Variants in RAG1 observed in about 807,000 individuals in gnomAD.
The protein encoded by RAG1 is V(D)J recombination-activating protein 1.
RAG1 carries 35 observed loss-of-function variants against 62.7 expected under a neutral mutation model. That is an observed-to-expected ratio of 0.56 (90% CI 0.43 to 0.74). The LOEUF (loss-of-function observed/expected upper bound fraction) is 0.74. Among genes scored for constraint, RAG1 ranks in the 30% least tolerant of loss-of-function variants. The pLI, the probability that RAG1 is intolerant of heterozygous loss-of-function variation, is 0.00. For missense variants in RAG1, 1,169 were observed against 1,278.6 expected (o/e 0.91, Z 1.31); for synonymous variants, 461 against 470.3 (o/e 0.98, Z 0.26).
At chr11:36,543,422 C>G (rs1347469424) in intron 3 of RAG1, among the ~76,000 whole-genome samples, 1 of 152,234 alleles carries the variant, frequency 6.6e-6, no homozygotes, top group Admixed American at 6.5e-5. Flanking sequence ...GCCGGCATGC[C>G]ATAGCAGAAC....
intron 1 of RAG1, among the ~76,000 whole-genome samples, chr11:36,516,077 A>G (rs886749872): frequency 3.9e-5 from 6 of 152,156 alleles, no homozygotes; most frequent in African/African-American, 1.4e-4. Flanking sequence ...CATTGGAGCC[A>G]GTTTTGTTCT....
chr11:36,537,664 G>A (rs1487821046), downstream of RAG1, among the ~76,000 whole-genome samples: 2 of 152,046 alleles, frequency 1.3e-5, no homozygotes, highest in Non-Finnish European at 2.9e-5. Flanking sequence ...GGAGATTTCT[G>A]ATCATTATCT....
intron 2 of RAG1, among the ~76,000 whole-genome samples, chr11:36,531,649 C>T (rs1360583931): frequency 6.6e-6 from 1 of 151,874 alleles, no homozygotes; most frequent in African/African-American, 2.4e-5. Context: ...ATGCTTTCGC[C>T]ATCAAACATA....
Position 36,576,036 on chromosome 11 carries a change from A to G in RAG1, c.2732A>G (p.Gln911Arg), listed in dbSNP as rs910898450. The G allele has an allele frequency of 5.0e-6, 8 of 1,614,052 alleles. No individual in the cohort carries two copies. The East Asian group carries it at 8.9e-5, about 18-fold the overall frequency. Reference sequence around the variant, plus strand: ...AAAGAGTGCCCAGAATCCCTCTGCCAGTACAGTTTCAATTCACAGCGTTTT... The same window carrying G: ...AAAGAGTGCCCAGAATCCCTCTGCCGGTACAGTTTCAATTCACAGCGTTTT... Reference protein sequence around the residue: ...PAKECPESLCQYSFNSQRFAE... With the variant: ...PAKECPESLCRYSFNSQRFAE... Residue 911 changes from glutamine to arginine, a missense_variant, in exon 2 of 2, where the codon CAG becomes CGG. Physicochemically the swap from Gln to Arg is conservative, Grantham distance 43. Around this residue, in one of 2 missense-constraint regions of RAG1, gnomAD observed 800 missense variants for 943.3 expected, o/e 0.85. Coordinates refer to ENST00000299440, the MANE Select transcript of RAG1 (RefSeq NM_000448.3).
chr11:36,527,741 G>C (rs575224879), intron 2 of RAG1, among the ~76,000 whole-genome samples: 1 of 152,074 alleles, frequency 6.6e-6, no homozygotes, highest in African/African-American at 2.4e-5. Flanking sequence ...CCATTTGTTT[G>C]TGTCCTCTTT....
intron 1 of RAG1, among the ~76,000 whole-genome samples, chr11:36,517,535 GTGTT>G (rs1227543835): frequency 2.0e-5 from 3 of 152,158 alleles, no homozygotes; most frequent in Non-Finnish European, 4.4e-5. Context: ...GTGTGTGTGT[GTGTT>G]TGAGTGTGTT....
chr11:36,566,476 T>G (rs1850663763), upstream of RAG1: 1 of 152,278 alleles, frequency 6.6e-6, no homozygotes, highest in Non-Finnish European at 1.5e-5. Flanking sequence ...CCTTTTCTTT[T>G]TCTTCCTGTA....
rs778449888 is a variant in RAG1 at position 36,576,454 on chromosome 11, G to C, written c.*18G>C. 6.2e-7 allele frequency: 1 copy of C among 1,613,734 alleles called. No individual in the cohort carries two copies. The highest frequency in any genetic ancestry group is 8.5e-7 in the Non-Finnish European group (1 of 1,179,916). ...AATTTTAAGTAGGGCAACCACTTAT[G>C]AGTTGGTTTTTGCAATTGAGTTTCC... On this transcript the variant is annotated 3_prime_UTR_variant, in exon 2 of 2. Transcript: ENST00000299440.
At chr11:36,565,539 A>G (rs540401308), upstream of RAG1, among the ~76,000 whole-genome samples, 54 of 152,340 alleles carry the variant, frequency 3.5e-4, no homozygotes, top group East Asian at 8.7e-3. Flanking sequence ...CAAGTTGTCC[A>G]GGCTCTAGTT....
intron 3 of RAG1, among the ~76,000 whole-genome samples, chr11:36,562,268 A>C (rs540525372): frequency 4.3e-4 from 66 of 152,360 alleles, no homozygotes; most frequent in Non-Finnish European, 8.5e-4. Flanking sequence ...AAGCAAGCTG[A>C]GAAAGACTGT....
chr11:36,549,788 T>A (rs746016270), intron 3 of RAG1, among the ~76,000 whole-genome samples: 11 of 152,164 alleles, frequency 7.2e-5, no homozygotes, highest in Admixed American at 3.9e-4. Flanking sequence ...GATTTATAAA[T>A]CATGCTACTG....
At chr11:36,529,227 G>A (rs998185588) in intron 2 of RAG1, among the ~76,000 whole-genome samples, 2 of 152,074 alleles carry the variant, frequency 1.3e-5, no homozygotes, top group Admixed American at 6.5e-5. Flanking sequence ...GAAGAACATC[G>A]ATGTGAAAAT....
chr11:36,519,118 G>A (rs1860038879), intron 1 of RAG1, among the ~76,000 whole-genome samples: 1 of 151,938 alleles, frequency 6.6e-6, no homozygotes, highest in African/African-American at 2.4e-5. Flanking sequence ...TGATAATGGT[G>A]GTAATTTTTT....
At chr11:36,528,444 A>G (rs1264599589) in intron 2 of RAG1, among the ~76,000 whole-genome samples, 4 of 152,198 alleles carry the variant, frequency 2.6e-5, no homozygotes, top group South Asian at 2.1e-4. Context: ...TTTGAAACCA[A>G]TGAGAACAAA....
rs554003233 is a variant in RAG1, at chr11:36,522,381, G to A, written n.428+2152G>A. ...TGGCTTCAGAGGGCGCAAGCCCCAA[G>A]CCTTGGCAACTTCCATGTGGTGTTG... On this transcript the variant is annotated intron_variant and non_coding_transcript_variant, in intron 2 of 2. Transcript: ENST00000529126. Among the ~76,000 whole-genome samples, 370 of 152,384 alleles carry A rather than the reference G, an allele frequency of 2.4e-3. 3 individuals carry two copies. The highest frequency in any genetic ancestry group is 8.4e-3 in the African/African-American group (351 of 41,600).
chr11:36,575,027 G>T lies in RAG1; in HGVS notation c.1723G>T (p.Glu575Ter). 5 of 1,614,154 alleles carry T rather than the reference G, an allele frequency of 3.1e-6. No homozygotes were observed. The highest frequency in any genetic ancestry group is 4.2e-6 in the Non-Finnish European group (5 of 1,180,030). ...GGTGTCTGCTTTGATGGACATGGAA[G>T]AAGACATCTTGGAAGGCATGAGATC... is the stretch of plus-strand genomic sequence containing the variant. ...ALVSALMDME[E>*]DILEGMRSQD... The change falls in exon 2 of 2, where the codon GAA becomes TAA. Residue 575 changes from glutamate to a stop codon, truncating the protein, a stop_gained. Coordinates refer to ENST00000299440, the MANE Select transcript of RAG1 (RefSeq NM_000448.3). LOFTEE classifies it high-confidence loss of function. This position sits in a 1 kb window ranked among gnomAD's most constrained non-coding sequence, Gnocchi z 4.1.
chr11:36,533,876 A>G (rs1418221684), intron 2 of RAG1, among the ~76,000 whole-genome samples: 2 of 152,058 alleles, frequency 1.3e-5, no homozygotes, highest in Non-Finnish European at 2.9e-5. Context: ...CAGATGTCCT[A>G]ATATCCATCC....
chr11:36,516,049 G>A (rs759500218), intron 1 of RAG1, among the ~76,000 whole-genome samples: 5 of 152,156 alleles, frequency 3.3e-5, no homozygotes, highest in Non-Finnish European at 5.9e-5. Flanking sequence ...AAAGGGGAAG[G>A]TGGGCACATA....
At chr11:36,545,204 A>C (rs186222464) in intron 3 of RAG1, among the ~76,000 whole-genome samples, 1 of 152,178 alleles carries the variant, frequency 6.6e-6, no homozygotes, top group East Asian at 1.9e-4. Flanking sequence ...AATTAAATAG[A>C]TGTGGAATTT....
Sources: gnomAD v4.1 joint callset for allele counts (sites outside exome capture counted in the v4.1 genomes callset) on GRCh38, gnomAD v4.1.1 for gene constraint, gnomAD v4.1.1 regional missense constraint, Gnocchi (gnomAD v3.1) non-coding constraint, MANE v1.5 for transcripts, NCBI Gene and HGNC (gene_info 2026-07-23, HGNC 2026-07-21) for gene names.